UGT1A8: variants seen among roughly 807,000 people sequenced by gnomAD.
UGT1A8 encodes the protein UDP glucuronosyltransferase family 1 member A8.
A neutral mutation model predicts 45.3 loss-of-function variants in UGT1A8; 39 were observed. The ratio of observed to expected loss-of-function variants is 0.86; its 90% CI spans 0.67 to 1.12. The LOEUF (loss-of-function observed/expected upper bound fraction) is 1.12. UGT1A8 is among the 50% of genes most tolerant of loss of function. The pLI, the probability that UGT1A8 is intolerant of heterozygous loss-of-function variation, is 0.00. For synonymous variants in UGT1A8, 275 were observed against 249.2 expected (o/e 1.10, Z -0.97); for missense variants, 719 against 664.9 (o/e 1.08, Z -0.90).
intron 1 of UGT1A8, chr2:233,672,190 C>A: frequency 6.2e-7 from 1 of 1,614,190 alleles, no homozygotes; most frequent in East Asian, 2.2e-5. Flanking sequence ...CCTGGAGGAT[C>A]TGGACCGGGA....
In UGT1A8 at chr2:233,767,044, C is replaced by A. The variant is rs758873309; in HGVS notation, c.866C>A (p.Ala289Asp). Residue 289 changes from alanine (A) to aspartate (D), a missense_variant, in exon 2 of 5, where the codon GCC becomes GAC. Ala to Asp is a moderately radical substitution (Grantham distance 126, BLOSUM62 -2). Coordinates refer to ENST00000373450, the MANE Select transcript of UGT1A8 (RefSeq NM_019076.5). ...QGKPLPMEFE[A>D]YINASGEHGI... ...TTCTTCTGGCTCTAGGAATTTGAAG[C>A]CTACATTAATGCTTCTGGAGAACAT... 1.2e-6 allele frequency: 2 copies of A among 1,613,992 alleles called. No homozygotes were observed. Among genetic ancestry groups the A allele is most frequent in the Non-Finnish European group, 1.7e-6 (2 of 1,179,984 alleles).
At chr2:233,639,756 C>T (rs983467932) in intron 1 of UGT1A8, among the ~76,000 whole-genome samples, 1 of 152,142 alleles carries the variant, frequency 6.6e-6, no homozygotes, top group Non-Finnish European at 1.5e-5. Flanking sequence ...TGGCAGATGG[C>T]CCCATCTCCA....
At chr2:233,693,849 G>C (rs371810579) in intron 1 of UGT1A8, 9 of 1,614,082 alleles carry the variant, frequency 5.6e-6, no homozygotes, top group Non-Finnish European at 6.8e-6. Context: ...TGTAAGAAGA[G>C]GAAAGACTTG....
At chr2:233,682,375 T>C (rs1194414955) in intron 1 of UGT1A8, 3 of 1,613,964 alleles carry the variant, frequency 1.9e-6, no homozygotes, top group Non-Finnish European at 1.7e-6. Context: ...ATGCAGTGTT[T>C]CTCGATCCTT....
chr2:233,738,895 GCAGA>G (rs1690931559), intron 1 of UGT1A8: 1 of 152,264 alleles, frequency 6.6e-6, no homozygotes, highest in Admixed American at 6.5e-5. Context: ...GACCTTTGCA[GCAGA>G]CCCTCCCATC....
At chr2:233,655,426 C>T (rs2073833765) in intron 1 of UGT1A8, among the ~76,000 whole-genome samples, 1 of 152,196 alleles carries the variant, frequency 6.6e-6, no homozygotes, top group Admixed American at 6.5e-5. Flanking sequence ...GCACTGGAAG[C>T]TGGCCACATC....
intron 1 of UGT1A8, chr2:233,713,295 G>C: frequency 6.2e-7 from 1 of 1,614,228 alleles, no homozygotes; most frequent in Non-Finnish European, 8.5e-7. Context: ...ATCGTTCTTT[G>C]AAACAGAACA....
chr2:233,696,816 T>A (rs562285959), intron 1 of UGT1A8, among the ~76,000 whole-genome samples: 1 of 152,328 alleles, frequency 6.6e-6, no homozygotes, highest in Admixed American at 6.5e-5. Flanking sequence ...GCCAGTTTAT[T>A]GAGAGTGTGT....
chr2:233,704,256 CTTT>C (rs59925871), intron 1 of UGT1A8, among the ~76,000 whole-genome samples: 4 of 123,652 alleles, frequency 3.2e-5, no homozygotes, highest in Non-Finnish European at 4.9e-5. Flanking sequence ...GCCTTTATTG[CTTT>C]TTTTTTTTTT....
intron 1 of UGT1A8, among the ~76,000 whole-genome samples, chr2:233,657,881 A>T (rs7570783): frequency 0.022 from 3,315 of 152,180 alleles, 133 homozygotes; most frequent in African/African-American, 0.076. Flanking sequence ...AGTTATTTAT[A>T]TATTCTGGAT....
chr2:233,682,069 G>T (rs1254179145), intron 1 of UGT1A8: 17 of 1,613,968 alleles, frequency 1.1e-5, no homozygotes. Context: ...TGCAGTCGGT[G>T]GTGGAGAAAC....
At chr2:233,652,074 G>C (rs1285391203) in intron 1 of UGT1A8, among the ~76,000 whole-genome samples, 2 of 152,194 alleles carry the variant, frequency 1.3e-5, no homozygotes, top group Non-Finnish European at 2.9e-5. Flanking sequence ...CCAGTAGGAA[G>C]GAATTCAGGA....
intron 1 of UGT1A8, among the ~76,000 whole-genome samples, chr2:233,739,357 C>T (rs1308637370): frequency 6.6e-6 from 1 of 152,104 alleles, no homozygotes; most frequent in African/African-American, 2.4e-5. Context: ...AGGGCAGATC[C>T]AATAGCTTGC....
chr2:233,655,527 C>T (rs2073835530), intron 1 of UGT1A8, among the ~76,000 whole-genome samples: 1 of 152,184 alleles, frequency 6.6e-6, no homozygotes. Flanking sequence ...GTGACAAGTT[C>T]CTTCCATGCA....
At chr2:233,679,551 T>G (rs139988189) in intron 1 of UGT1A8, among the ~76,000 whole-genome samples, 108 of 152,272 alleles carry the variant, frequency 7.1e-4, no homozygotes, top group Non-Finnish European at 9.7e-4. Flanking sequence ...TCATCTTTTT[T>G]TTTGTTTGTT....
chr2:233,693,647 A>G (rs1447180794), intron 1 of UGT1A8: 1 of 1,614,068 alleles, frequency 6.2e-7, no homozygotes, highest in African/African-American at 1.3e-5. Flanking sequence ...CTTCCTTGTT[A>G]ATTTGTTGGA....
At chr2:233,627,698 C>T (rs2073114395) in intron 1 of UGT1A8, among the ~76,000 whole-genome samples, 1 of 112,184 alleles carries the variant, frequency 8.9e-6, no homozygotes, top group Admixed American at 1.1e-4. Flanking sequence ...CTTTCTTTTC[C>T]ACTGGTCCTT....
At chr2:233,690,604 G>C (rs756529632) in intron 1 of UGT1A8, 1 of 1,289,060 alleles carries the variant, frequency 7.8e-7, no homozygotes. Flanking sequence ...AAAAAAATCG[G>C]CCTTTGCCTG....
rs1699273514 is a variant in UGT1A8, at chr2:233,766,902, T to A, written c.856-132T>A. Reference sequence around the variant, plus strand: ...CTGTAAAACTTACATATTAATAATTTTTTACTCTATCTCAAACACGCATGC... The same window carrying A: ...CTGTAAAACTTACATATTAATAATTATTTACTCTATCTCAAACACGCATGC... On this transcript the variant is annotated intron_variant, in intron 1 of 4. Coordinates refer to ENST00000373450, the MANE Select transcript of UGT1A8 (RefSeq NM_019076.5). 3.3e-6 allele frequency: 5 copies of A among 1,493,272 alleles called. No individual in the cohort carries two copies. The South Asian group carries it at 6.7e-5, about 20-fold the overall frequency. The allele number at this position is 1,493,272 out of a possible 1,614,324, so 92.5% of individuals were successfully genotyped here.
Sources: allele counts gnomAD v4.1 joint callset (sites outside exome capture counted in the v4.1 genomes callset), GRCh38; gene constraint gnomAD v4.1.1; transcripts MANE v1.5; gene names NCBI Gene and HGNC (gene_info 2026-07-23, HGNC 2026-07-21).